The following DNAH6 variants were observed in gnomAD, a reference collection of about 807,000 sequenced individuals.
DNAH6 encodes axonemal beta dynein heavy chain 6.
A neutral mutation model predicts 491.4 loss-of-function variants in DNAH6; 340 were observed. The ratio of observed to expected loss-of-function variants is 0.69; its 90% CI spans 0.63 to 0.76. The LOEUF (loss-of-function observed/expected upper bound fraction) is 0.76, where lower values mean the gene tolerates loss of function less well. Among genes scored for constraint, DNAH6 ranks in the 30% least tolerant of loss-of-function variants. The pLI, the probability that DNAH6 is intolerant of heterozygous loss-of-function variation, is 0.00. For synonymous variants in DNAH6, 1,603 were observed against 1,686.1 expected (o/e 0.95, Z 1.21); for missense variants, 4,443 against 4,972.2 (o/e 0.89, Z 3.20).
At chr2:84,517,165 G>A (rs1188227823) in intron 1 of DNAH6, among the ~76,000 whole-genome samples, 1 of 152,156 alleles carries the variant, frequency 6.6e-6, no homozygotes, top group Non-Finnish European at 1.5e-5. Context: ...GTGTTTCGAA[G>A]TATCTCCACT....
chr2:84,641,242 G>A (rs997064018), intron 32 of DNAH6, among the ~76,000 whole-genome samples: 1 of 152,100 alleles, frequency 6.6e-6, no homozygotes, highest in African/African-American at 2.4e-5. Flanking sequence ...ATTGGCTCAG[G>A]TTCTGCACAT....
chr2:84,605,392 A>T, intron 19 of DNAH6, 108 bp from the exon 20 acceptor site: 11 of 654,352 alleles, frequency 1.7e-5, no homozygotes, highest in Middle Eastern at 3.4e-4. Context: ...AGCAATAAGG[A>T]GGAAAATGGG....
intron 71 of DNAH6, among the ~76,000 whole-genome samples, chr2:84,807,774 C>T (rs1559064620): frequency 1.3e-5 from 2 of 152,174 alleles, no homozygotes; most frequent in Non-Finnish European, 2.9e-5. Context: ...CTCCTGCCAA[C>T]CCCCTCATTC....
chr2:84,711,191 A>G (rs1697010359), intron 56 of DNAH6, among the ~76,000 whole-genome samples: 2 of 152,194 alleles, frequency 1.3e-5, no homozygotes. Flanking sequence ...TGACTTAGAT[A>G]TGTGGATAAA....
the DNAH6 span, among the ~76,000 whole-genome samples, chr2:84,482,244 TAGAA>T: frequency 0.018 from 2,780 of 152,228 alleles, 74 homozygotes; most frequent in African/African-American, 0.062. Context: ...TGATATAAAA[TAGAA>T]AGAACAACAC....
chr2:84,758,985 A>G (rs1390174820), intron 63 of DNAH6, among the ~76,000 whole-genome samples: 1 of 152,226 alleles, frequency 6.6e-6, no homozygotes, highest in Non-Finnish European at 1.5e-5. Flanking sequence ...CAGTTTGAAA[A>G]AGATGAAGTC....
At chr2:84,585,769 A>C (rs766081591) in intron 15 of DNAH6, among the ~76,000 whole-genome samples, 8 of 152,184 alleles carry the variant, frequency 5.3e-5, no homozygotes, top group Non-Finnish European at 8.8e-5. Context: ...TGCCCTCTGC[A>C]GCTGGTTGTC....
chr2:84,466,631 G>C, the DNAH6 span, among the ~76,000 whole-genome samples: 3 of 152,184 alleles, frequency 2.0e-5, no homozygotes, highest in African/African-American at 7.2e-5. Context: ...TAATAGTTAT[G>C]AACATTATAG....
rs78357709 is a variant in DNAH6, at chr2:84,728,735, C to T, written c.10206+833C>T. The stretch of plus-strand genomic sequence containing the variant: ...TGTCGCCTTCTGTAATACTGTAATA[C>T]GAGTTCTGCTACAGTTCCCTCCTTC... On this transcript the variant is annotated intron_variant, in intron 61 of 76. Transcript: ENST00000389394. Among the ~76,000 whole-genome samples the T allele has an allele frequency of 1.8e-3, 271 of 152,104 alleles. 2 individuals are homozygous for T. Among genetic ancestry groups the T allele is most frequent in the Non-Finnish European group, 3.3e-3 (222 of 68,002 alleles).
At chr2:84,677,201 C>A in intron 41 of DNAH6, 65 bp downstream of exon 41, 1 of 1,540,446 alleles carries the variant, frequency 6.5e-7, no homozygotes. Context: ...AAGGCTCCCA[C>A]AATCAAAGTG....
intron 54 of DNAH6, among the ~76,000 whole-genome samples, chr2:84,708,275 T>C (rs1696665979): frequency 7.0e-6 from 1 of 143,372 alleles, no homozygotes; most frequent in South Asian, 2.2e-4. Flanking sequence ...TCGTCTCTAC[T>C]AAAAAAAAAA....
intron 11 of DNAH6, among the ~76,000 whole-genome samples, chr2:84,562,032 C>A (rs902478840): frequency 1.2e-4 from 18 of 151,666 alleles, no homozygotes; most frequent in Admixed American, 6.6e-5. Flanking sequence ...GAATAGGAAA[C>A]TAGTATATAA....
chr2:84,583,553 A>G (rs1683246558), intron 14 of DNAH6, among the ~76,000 whole-genome samples: 1 of 152,150 alleles, frequency 6.6e-6, no homozygotes, highest in South Asian at 2.1e-4. Flanking sequence ...TTGATGTTTG[A>G]TATGGTTTGG....
intron 67 of DNAH6, among the ~76,000 whole-genome samples, chr2:84,785,968 A>G (rs1447533399): frequency 6.6e-6 from 1 of 152,352 alleles, no homozygotes; most frequent in African/African-American, 2.4e-5. Flanking sequence ...ATCTGCCTAC[A>G]GAATACCATC....
At chr2:84,726,566 T>C (rs1698653143) in intron 60 of DNAH6, among the ~76,000 whole-genome samples, 1 of 151,982 alleles carries the variant, frequency 6.6e-6, no homozygotes, top group Admixed American at 6.6e-5. Flanking sequence ...TTCTCACTCA[T>C]AGGTGGGAAT....
At chr2:84,530,082 ATC>A (rs1360225345) in intron 4 of DNAH6, among the ~76,000 whole-genome samples, 1 of 152,208 alleles carries the variant, frequency 6.6e-6, no homozygotes, top group Non-Finnish European at 1.5e-5. Context: ...ATTGAGCATG[ATC>A]TCTGTAGCAG....
chr2:84,658,546 G>T lies in DNAH6; in HGVS notation c.5940+72G>T. 2.8e-6 allele frequency: 3 copies of T among 1,062,866 alleles called. No individual in the cohort carries two copies. The South Asian group carries it at 7.0e-5, about 25-fold the overall frequency. 65.8% of individuals were successfully genotyped at this position (1,062,866 alleles called of 1,614,324 possible). A position where few individuals can be genotyped will look rare whatever the true frequency, so the allele number is the denominator to read the frequency against. On this transcript the variant is annotated intron_variant, in intron 36 of 76. Transcript: ENST00000389394. The stretch of plus-strand genomic sequence containing the variant: ...TTGTATAAGTTCTTTGCAAAGAAAT[G>T]ACTCCATTCTAAAATATAACCATTT...
chr2:84,628,637 C>T (rs1274340802), intron 29 of DNAH6, among the ~76,000 whole-genome samples: 1 of 152,142 alleles, frequency 6.6e-6, no homozygotes, highest in Non-Finnish European at 1.5e-5. Context: ...ATCTGATTTA[C>T]CTTCCCAGCA....
At chr2:84,681,313 T>C in intron 41 of DNAH6, 44 bp from the exon 42 acceptor site, 1 of 1,436,146 alleles carries the variant, frequency 7.0e-7, no homozygotes, top group Non-Finnish European at 9.3e-7. Context: ...AGATATTTGG[T>C]TTAAAATAAA....
Sources: allele counts gnomAD v4.1 joint callset (sites outside exome capture counted in the v4.1 genomes callset), GRCh38; gene constraint gnomAD v4.1.1; transcripts MANE v1.5; gene names NCBI Gene and HGNC (gene_info 2026-07-23, HGNC 2026-07-21).